YEATS4: variants seen among roughly 807,000 people sequenced by gnomAD.
The protein encoded by YEATS4 is YEATS domain-containing protein 4.
In YEATS4, 17 loss-of-function variants were observed where a neutral mutation model predicts 30.1. The observed-to-expected ratio is 0.56, with a 90% CI of 0.39 to 0.85. YEATS4 has a LOEUF of 0.85. Ranked by LOEUF, YEATS4 falls within the 40% of genes least tolerant of loss-of-function variation. The pLI, the probability that YEATS4 is intolerant of heterozygous loss-of-function variation, is 0.00. For missense variants in YEATS4, 142 were observed against 268.3 expected (o/e 0.53, Z 3.29); for synonymous variants, 85 against 87.5 (o/e 0.97, Z 0.16).
the YEATS4 span, among the ~76,000 whole-genome samples, chr12:69,413,516 C>CCT: frequency 5.8e-5 from 8 of 138,456 alleles, no homozygotes; most frequent in Non-Finnish European, 3.1e-5. Flanking sequence ...CAACGCCCCC[C>CCT]CCATCTCCAT....
At chr12:69,373,857 C>T (rs1875739147) in intron 6 of YEATS4, among the ~76,000 whole-genome samples, 1 of 152,178 alleles carries the variant, frequency 6.6e-6, no homozygotes, top group Non-Finnish European at 1.5e-5. Context: ...ATCCAGATTT[C>T]CTGGCACTAT....
At chr12:69,374,053 G>C (rs973211451) in intron 6 of YEATS4, among the ~76,000 whole-genome samples, 3 of 152,090 alleles carry the variant, frequency 2.0e-5, no homozygotes, top group Non-Finnish European at 4.4e-5. Flanking sequence ...TTTGAAGTCA[G>C]GTGATTCCTC....
the YEATS4 span, among the ~76,000 whole-genome samples, chr12:69,415,552 T>A: frequency 6.6e-6 from 1 of 151,996 alleles, no homozygotes; most frequent in Non-Finnish European, 1.5e-5. Context: ...CAAAGGGAGA[T>A]CATGTCTTAA....
At chr12:69,391,250 C>T (rs1458630478), downstream of YEATS4, among the ~76,000 whole-genome samples, 2 of 151,506 alleles carry the variant, frequency 1.3e-5, no homozygotes, top group African/African-American at 4.9e-5. Flanking sequence ...GCTGAGATCA[C>T]GCCACTGCAC....
the YEATS4 span, among the ~76,000 whole-genome samples, chr12:69,407,952 G>A: frequency 6.6e-6 from 1 of 152,112 alleles, no homozygotes; most frequent in East Asian, 1.9e-4. Flanking sequence ...CCGACCTCAG[G>A]TGATCCGCCC....
At chr12:69,424,113 G>A in the YEATS4 span, among the ~76,000 whole-genome samples, 82 of 152,292 alleles carry the variant, frequency 5.4e-4, no homozygotes, top group Middle Eastern at 3.4e-3. Flanking sequence ...ACAGAATAAA[G>A]ACCCTGGATT....
intron 6 of YEATS4, among the ~76,000 whole-genome samples, chr12:69,375,021 G>A (rs1320865903): frequency 4.2e-5 from 6 of 141,358 alleles, no homozygotes; most frequent in Admixed American, 1.4e-4. Context: ...CCCACCTCCC[G>A]GACGGGGCAG....
At chr12:69,366,117 G>A (rs550356781) in intron 4 of YEATS4, among the ~76,000 whole-genome samples, 1 of 151,586 alleles carries the variant, frequency 6.6e-6, no homozygotes, top group East Asian at 1.9e-4. Context: ...AAGAAACCAT[G>A]GAAATCAGAT....
chr12:69,420,730 T>C, the YEATS4 span, among the ~76,000 whole-genome samples: 7 of 147,884 alleles, frequency 4.7e-5, 1 homozygote, highest in South Asian at 1.6e-3. Flanking sequence ...AAATGTCATG[T>C]TATGTGAACT....
At chr12:69,363,361 A>G (rs1215740210) in intron 2 of YEATS4, among the ~76,000 whole-genome samples, 2 of 152,180 alleles carry the variant, frequency 1.3e-5, no homozygotes, top group Non-Finnish European at 2.9e-5. Flanking sequence ...TGTTGTCAAA[A>G]AGTTTTTGAA....
At chr12:69,374,530 G>T (rs1044286299) in intron 6 of YEATS4, among the ~76,000 whole-genome samples, 3 of 151,992 alleles carry the variant, frequency 2.0e-5, no homozygotes, top group African/African-American at 7.2e-5. Context: ...AAAGGTCTCT[G>T]GTTTTCCTAG....
chr12:69,409,716 G>C, the YEATS4 span, among the ~76,000 whole-genome samples: 3 of 152,026 alleles, frequency 2.0e-5, no homozygotes, highest in Admixed American at 6.5e-5. Context: ...AAATACATAT[G>C]TTGAAGTCCT....
At chr12:69,401,807 G>T in the YEATS4 span, among the ~76,000 whole-genome samples, 1 of 152,206 alleles carries the variant, frequency 6.6e-6, no homozygotes, top group Admixed American at 6.5e-5. Flanking sequence ...ACTTTCTTTT[G>T]TTAAAGTATT....
chr12:69,378,402 A>T (rs1442242441), intron 6 of YEATS4, among the ~76,000 whole-genome samples: 5 of 151,704 alleles, frequency 3.3e-5, no homozygotes, highest in African/African-American at 1.2e-4. Flanking sequence ...ATAAGTAAGG[A>T]CTTCCACCAT....
intron 6 of YEATS4, among the ~76,000 whole-genome samples, chr12:69,380,642 TA>T (rs1419415457): frequency 2.0e-5 from 3 of 152,080 alleles, no homozygotes; most frequent in Non-Finnish European, 4.4e-5. Flanking sequence ...TAAGGCTCTA[TA>T]ATCAGCAGGT....
At chr12:69,380,448 A>T (rs999827848) in intron 6 of YEATS4, among the ~76,000 whole-genome samples, 1 of 152,202 alleles carries the variant, frequency 6.6e-6, no homozygotes, top group Non-Finnish European at 1.5e-5. Context: ...ACTTTCTCCC[A>T]AACAAACGGA....
chr12:69,402,390 T>G, the YEATS4 span, among the ~76,000 whole-genome samples: 1 of 152,186 alleles, frequency 6.6e-6, no homozygotes, highest in Non-Finnish European at 1.5e-5. Context: ...TTTAGGAGGT[T>G]AGACAAATAT....
the YEATS4 span, among the ~76,000 whole-genome samples, chr12:69,412,744 G>T: frequency 6.6e-6 from 1 of 152,180 alleles, no homozygotes; most frequent in African/African-American, 2.4e-5. Flanking sequence ...GTGCAATCAG[G>T]CAAGTCAAGA....
intron 4 of YEATS4, among the ~76,000 whole-genome samples, chr12:69,367,106 A>G (rs1316515636): frequency 6.6e-6 from 1 of 152,218 alleles, no homozygotes; most frequent in Non-Finnish European, 1.5e-5. Flanking sequence ...CATATCTCCA[A>G]TATGGAGAAT....
Sources: allele counts gnomAD v4.1 joint callset (sites outside exome capture counted in the v4.1 genomes callset), GRCh38; gene constraint gnomAD v4.1.1; transcripts MANE v1.5; gene names NCBI Gene and HGNC (gene_info 2026-07-23, HGNC 2026-07-21).